The following SLIT3 variants were observed in gnomAD, a reference collection of about 807,000 sequenced individuals.
The protein encoded by SLIT3 is slit guidance ligand 3.
Under a neutral mutation model 184.0 loss-of-function variants are expected in SLIT3, and 68 were observed. The observed-to-expected ratio is 0.37, with a 90% CI of 0.30 to 0.45. The LOEUF is 0.45. SLIT3 is among the 20% of genes least tolerant of loss of function. The pLI is 1.00. For synonymous variants in SLIT3, 831 were observed against 828.6 expected, an observed-to-expected ratio of 1.00 and a Z score of -0.05; for missense variants, 1,707 against 2,026.0, an observed-to-expected ratio of 0.84 and a Z score of 3.02.
chr5:168,989,608 G>T (rs968647487), intron 4 of SLIT3, among the ~76,000 whole-genome samples: 2 of 152,234 alleles, frequency 1.3e-5, no homozygotes, highest in South Asian at 2.1e-4. Context: ...AGGCAAATCT[G>T]AGTGGTAACC....
intron 4 of SLIT3, among the ~76,000 whole-genome samples, chr5:168,925,908 C>G (rs184551237): frequency 9.9e-5 from 15 of 152,206 alleles, no homozygotes; most frequent in Admixed American, 2.6e-4. Flanking sequence ...TGAGAGTCAA[C>G]GGACAAGGGA....
intron 6 of SLIT3, among the ~76,000 whole-genome samples, chr5:168,841,696 A>G (rs1429181650): frequency 6.6e-6 from 1 of 152,206 alleles, no homozygotes; most frequent in African/African-American, 2.4e-5. Flanking sequence ...AAGAAGTTTT[A>G]TGGTATTTCC....
At chr5:169,220,435 C>G (rs1764583456) in intron 3 of SLIT3, among the ~76,000 whole-genome samples, 1 of 151,730 alleles carries the variant, frequency 6.6e-6, no homozygotes, top group Non-Finnish European at 1.5e-5. Context: ...ATTTTTTTGG[C>G]TAGGGGACCT....
intron 1 of SLIT3, among the ~76,000 whole-genome samples, chr5:169,274,643 T>G (rs1385146905): frequency 6.6e-6 from 1 of 152,152 alleles, no homozygotes; most frequent in African/African-American, 2.4e-5. Flanking sequence ...AAAGCAACAA[T>G]CTCTGGGCAA....
rs772747474 is a variant in SLIT3, at chr5:168,760,954, T to A, written c.1611-18A>T. On this transcript the variant is annotated intron_variant, in intron 15 of 35. Transcript: ENST00000519560. ...TCAGTCGCCTGTGTAGGAAGCAAGA[T>A]GAGTGGTAGGTTAGCTGTGGACGAG... 6.2e-6 allele frequency: 10 copies of A among 1,601,180 alleles called. No individual in the cohort carries two copies. The highest frequency in any genetic ancestry group is 4.4e-5 in the South Asian group (4 of 90,768).
At chr5:169,116,461 A>G (rs1003160026) in intron 4 of SLIT3, among the ~76,000 whole-genome samples, 4 of 152,248 alleles carry the variant, frequency 2.6e-5, no homozygotes, top group African/African-American at 7.2e-5. Flanking sequence ...ATATCTCTCC[A>G]GGATGAACGA....
chr5:169,003,871 G>C (rs959260365), intron 4 of SLIT3, among the ~76,000 whole-genome samples: 2 of 152,156 alleles, frequency 1.3e-5, no homozygotes, highest in African/African-American at 2.4e-5. Context: ...GGCTCTGGAG[G>C]GGGCAGCGTT....
At chr5:169,258,670 T>C (rs1716924878) in intron 1 of SLIT3, among the ~76,000 whole-genome samples, 1 of 152,174 alleles carries the variant, frequency 6.6e-6, no homozygotes, top group Admixed American at 6.5e-5. Flanking sequence ...TTTGACACCT[T>C]GGGTGGGGTA....
At chr5:169,187,111 GTTT>G (rs761501769) in intron 4 of SLIT3, among the ~76,000 whole-genome samples, 7 of 94,420 alleles carry the variant, frequency 7.4e-5, no homozygotes, top group Admixed American at 2.9e-4. Context: ...GCAGCTATAG[GTTT>G]TTTTTTTTTT....
At chr5:169,174,143 C>G (rs1378783955) in intron 4 of SLIT3, among the ~76,000 whole-genome samples, 2 of 152,194 alleles carry the variant, frequency 1.3e-5, no homozygotes, top group Non-Finnish European at 2.9e-5. Context: ...TGGATGAAGA[C>G]AAGACCTAGT....
At chr5:168,919,660 A>G (rs1048722431) in intron 4 of SLIT3, among the ~76,000 whole-genome samples, 6 of 152,220 alleles carry the variant, frequency 3.9e-5, no homozygotes, top group Admixed American at 2.6e-4. Context: ...AAAAACAAAG[A>G]ACATTAACTT....
chr5:168,674,166 A>G lies in SLIT3; in HGVS notation c.3687-835T>C, dbSNP rs191360067. 1.6e-3 allele frequency among the ~76,000 whole-genome samples: 251 copies of G among 152,312 alleles called. 2 individuals carry two copies. The highest frequency in any genetic ancestry group is 2.6e-3 in the Non-Finnish European group (180 of 68,024). On this transcript the variant is annotated intron_variant, in intron 32 of 35. Transcript: ENST00000519560. ...GTATGCATGCCACTTTTGGGGAAAT[A>G]CTGCCTTATAATACTCATGCTAGGT...
chr5:169,060,484 G>A (rs1465083691), intron 4 of SLIT3, among the ~76,000 whole-genome samples: 2 of 152,228 alleles, frequency 1.3e-5, no homozygotes, highest in African/African-American at 4.8e-5. Flanking sequence ...AATGGACTAA[G>A]ACAGCTGCTT....
intron 4 of SLIT3, among the ~76,000 whole-genome samples, chr5:169,166,428 C>A (rs1762640010): frequency 6.6e-6 from 1 of 152,098 alleles, no homozygotes; most frequent in African/African-American, 2.4e-5. Context: ...GGGGAGTGGG[C>A]TGAGGTGGCA....
chr5:168,817,026 C>T (rs770260991), intron 8 of SLIT3, among the ~76,000 whole-genome samples: 2 of 150,946 alleles, frequency 1.3e-5, no homozygotes, highest in South Asian at 2.1e-4. Flanking sequence ...AACAAATGTT[C>T]GGTTTCTAGT....
chr5:168,845,396 C>A (rs1257968269), intron 5 of SLIT3, among the ~76,000 whole-genome samples: 1 of 152,140 alleles, frequency 6.6e-6, no homozygotes, highest in East Asian at 1.9e-4. Flanking sequence ...TGGAAGCGTT[C>A]ATGAAGAGGG....
intron 4 of SLIT3, among the ~76,000 whole-genome samples, chr5:169,084,339 C>T (rs1759194918): frequency 6.7e-6 from 1 of 150,342 alleles, no homozygotes; most frequent in South Asian, 2.1e-4. Flanking sequence ...GTCTGGGATG[C>T]AATGGCGCGA....
chr5:169,137,104 C>G (rs531461206), intron 4 of SLIT3, among the ~76,000 whole-genome samples: 245 of 152,258 alleles, frequency 1.6e-3, no homozygotes, highest in Non-Finnish European at 2.8e-3. Context: ...GACTTCCCGA[C>G]AGCTTCTCAT....
intron 4 of SLIT3, among the ~76,000 whole-genome samples, chr5:168,963,537 G>C (rs533500298): frequency 6.6e-6 from 1 of 152,356 alleles, no homozygotes; most frequent in African/African-American, 2.4e-5. Flanking sequence ...GTGAGTGGTT[G>C]TGACAGGGAC....
Sources: gnomAD v4.1 joint callset for allele counts (sites outside exome capture counted in the v4.1 genomes callset) on GRCh38, gnomAD v4.1.1 for gene constraint, MANE v1.5 for transcripts, NCBI Gene and HGNC (gene_info 2026-07-23, HGNC 2026-07-21) for gene names.